AGAP1: variants seen among roughly 807,000 people sequenced by gnomAD.
AGAP1 encodes the protein arf-GAP with GTPase, ANK repeat and PH domain-containing protein 1.
In AGAP1, 29 loss-of-function variants were observed where a neutral mutation model predicts 105.3. That is an observed-to-expected ratio of 0.28 (90% CI 0.21 to 0.38). The LOEUF (loss-of-function observed/expected upper bound fraction) is 0.38, where lower values mean the gene tolerates loss of function less well. AGAP1 is among the 10% of genes least tolerant of loss of function. The pLI is 1.00. For synonymous variants in AGAP1, 509 were observed against 485.9 expected, an observed-to-expected ratio of 1.05 and a Z score of -0.63; for missense variants, 998 against 1,165.1, an observed-to-expected ratio of 0.86 and a Z score of 2.09.
At chr2:235,676,419 C>T (rs1387880618) in intron 1 of AGAP1, among the ~76,000 whole-genome samples, 2 of 152,154 alleles carry the variant, frequency 1.3e-5, no homozygotes, top group African/African-American at 4.8e-5. Flanking sequence ...AATGAGAGAA[C>T]TAGAAGAGGG....
intron 9 of AGAP1, 90 bp downstream of exon 9, chr2:235,807,421 G>C: frequency 8.7e-7 from 1 of 1,152,504 alleles, no homozygotes; most frequent in Non-Finnish European, 1.2e-6. Flanking sequence ...ACCAAGGTCT[G>C]TCTGATGTGC....
chr2:235,826,539 T>A (rs575376953), intron 9 of AGAP1, among the ~76,000 whole-genome samples: 67 of 151,920 alleles, frequency 4.4e-4, no homozygotes, highest in African/African-American at 1.5e-3. Context: ...AACCTCCACC[T>A]CCCAGGTTCA....
At chr2:235,809,139 G>T (rs982919409) in intron 9 of AGAP1, among the ~76,000 whole-genome samples, 8 of 152,056 alleles carry the variant, frequency 5.3e-5, no homozygotes, top group Admixed American at 3.9e-4. Context: ...AGCCTGGCGG[G>T]AGTCCCTCTG....
chr2:235,507,087 A>T (rs1473748690), intron 1 of AGAP1: 1 of 152,804 alleles, frequency 6.5e-6, no homozygotes, highest in East Asian at 1.9e-4. Flanking sequence ...ACTGCTCTGT[A>T]GTCGTGAGTC....
At chr2:235,881,573 A>T (rs2050025199) in intron 9 of AGAP1, among the ~76,000 whole-genome samples, 1 of 152,114 alleles carries the variant, frequency 6.6e-6, no homozygotes, top group Non-Finnish European at 1.5e-5. Flanking sequence ...AGAGACAGAG[A>T]CTCCCGATGT....
intron 1 of AGAP1, among the ~76,000 whole-genome samples, chr2:235,528,898 A>G (rs1443523314): frequency 1.3e-5 from 2 of 151,774 alleles, no homozygotes; most frequent in African/African-American, 4.8e-5. Flanking sequence ...CTGGTCTCAA[A>G]CTCCTGACCT....
intron 13 of AGAP1, among the ~76,000 whole-genome samples, chr2:236,011,898 T>G (rs931093628): frequency 6.6e-6 from 1 of 151,962 alleles, no homozygotes; most frequent in Non-Finnish European, 1.5e-5. Flanking sequence ...CTGGTTCCAT[T>G]TGGCACAGTG....
intron 1 of AGAP1, among the ~76,000 whole-genome samples, chr2:235,598,729 A>G (rs1307519951): frequency 6.6e-6 from 1 of 152,302 alleles, no homozygotes; most frequent in Admixed American, 6.5e-5. Context: ...CCGGGTGCTG[A>G]CTGTGCCACT....
intron 9 of AGAP1, chr2:235,852,726 AT>A: frequency 6.5e-7 from 1 of 1,535,792 alleles, no homozygotes; most frequent in Non-Finnish European, 8.8e-7. Flanking sequence ...GCCAGCACTT[AT>A]CTCAGGCCTG....
intron 16 of AGAP1, among the ~76,000 whole-genome samples, chr2:236,069,758 G>A (rs543342417): frequency 4.3e-4 from 65 of 152,310 alleles, no homozygotes; most frequent in Non-Finnish European, 8.5e-4. Flanking sequence ...GATTACATGG[G>A]GAGATAGTTA....
At chr2:235,613,278 G>T (rs887488356) in intron 1 of AGAP1, among the ~76,000 whole-genome samples, 1 of 152,200 alleles carries the variant, frequency 6.6e-6, no homozygotes, top group Non-Finnish European at 1.5e-5. Context: ...TTACAGGCCT[G>T]TGCCACTGCA....
chr2:235,968,482 G>C lies in AGAP1; in HGVS notation c.1504G>C (p.Val502Leu). 1 of 1,601,136 alleles carries C rather than the reference G, an allele frequency of 6.2e-7. No individual in the cohort carries two copies. Among genetic ancestry groups the C allele is most frequent in the East Asian group, 2.3e-5 (1 of 43,870 alleles). The change falls in exon 13 of 18, where the codon GTA becomes CTA. Residue 502 changes from valine to leucine, a missense_variant. By Grantham distance (32) the Val-to-Leu change is conservative. Coordinates refer to ENST00000304032, the MANE Select transcript of AGAP1 (RefSeq NM_001037131.3). ...ISSDTGLGDSVCSSPSISSTT... is the reference protein window; with the variant it reads ...ISSDTGLGDSLCSSPSISSTT... The stretch of plus-strand genomic sequence containing the variant: ...GGCAGACACAGGGCTGGGTGACTCC[G>C]TATGCTCCAGCCCCAGTATCTCCAG...
rs995668552 is a variant in AGAP1 at position 235,570,918 on chromosome 2, G to T, written c.163+76069G>T. On this transcript the variant is annotated intron_variant, in intron 1 of 17. Transcript: ENST00000304032. ...GCTATAAAGGAATACCTGAGACTGGGTAATTTATAAAGAAAAGAGGTTTAA... is the reference window on the plus strand; with the variant it reads ...GCTATAAAGGAATACCTGAGACTGGTTAATTTATAAAGAAAAGAGGTTTAA... 1.3e-5 allele frequency among the ~76,000 whole-genome samples: 2 copies of T among 152,224 alleles called. 1 individual carries two copies. Among genetic ancestry groups the T allele is most frequent in the Non-Finnish European group, 2.9e-5 (2 of 68,048 alleles).
intron 1 of AGAP1, among the ~76,000 whole-genome samples, chr2:235,640,996 A>C (rs1222357452): frequency 1.3e-5 from 2 of 152,188 alleles, no homozygotes; most frequent in African/African-American, 4.8e-5. Context: ...AATGTCTTTT[A>C]TAATGTCTCA....
At chr2:235,857,462 C>T (rs948968247) in intron 9 of AGAP1, among the ~76,000 whole-genome samples, 2 of 152,200 alleles carry the variant, frequency 1.3e-5, no homozygotes, top group African/African-American at 4.8e-5. Context: ...CAGGTTCCTG[C>T]CTTGCAGGGT....
At chr2:235,910,914 C>CA (rs568071560) in intron 11 of AGAP1, among the ~76,000 whole-genome samples, 133 of 141,486 alleles carry the variant, frequency 9.4e-4, no homozygotes, top group East Asian at 3.7e-3. Context: ...GACTCCGTCT[C>CA]AAAAAAAAAA....
chr2:235,791,739 G>T (rs574761221), intron 6 of AGAP1, among the ~76,000 whole-genome samples: 45 of 152,230 alleles, frequency 3.0e-4, no homozygotes, highest in Non-Finnish European at 5.1e-4. Flanking sequence ...GTAGAGACAA[G>T]GTTTCACCAT....
At chr2:235,514,027 G>T (rs1441678309) in intron 1 of AGAP1, among the ~76,000 whole-genome samples, 2 of 152,204 alleles carry the variant, frequency 1.3e-5, no homozygotes, top group Non-Finnish European at 1.5e-5. Flanking sequence ...TTGTGATGAG[G>T]TTGTGCGTTC....
intron 11 of AGAP1, among the ~76,000 whole-genome samples, chr2:235,918,798 C>G (rs968236505): frequency 6.6e-6 from 1 of 151,908 alleles, no homozygotes; most frequent in Non-Finnish European, 1.5e-5. Flanking sequence ...CTCTGTGGTC[C>G]TGAGCATTGG....
Sources: allele counts gnomAD v4.1 joint callset (sites outside exome capture counted in the v4.1 genomes callset), GRCh38; gene constraint gnomAD v4.1.1; transcripts MANE v1.5; gene names NCBI Gene and HGNC (gene_info 2026-07-23, HGNC 2026-07-21).